GPC6: variants seen among roughly 807,000 people sequenced by gnomAD.
GPC6 encodes glypican 6, also known as glypican-6.
A neutral mutation model predicts 55.2 loss-of-function variants in GPC6; 14 were observed. The ratio of observed to expected loss-of-function variants is 0.25; its 90% CI spans 0.17 to 0.40. The LOEUF (loss-of-function observed/expected upper bound fraction) is 0.40, where lower values mean the gene tolerates loss of function less well. GPC6 is among the 10% of genes least tolerant of loss of function. The probability of loss-of-function intolerance (pLI) is 1.00; values close to 1 mark genes in which losing one functional copy is unlikely to be tolerated. For missense variants in GPC6, 641 were observed against 708.5 expected (o/e 0.90, Z 1.08); for synonymous variants, 278 against 259.6 (o/e 1.07, Z -0.68).
At chr13:93,741,556 G>T (rs1210688126) in intron 2 of GPC6, among the ~76,000 whole-genome samples, 2 of 152,178 alleles carry the variant, frequency 1.3e-5, no homozygotes, top group African/African-American at 4.8e-5. Context: ...TTACAAACCT[G>T]GGATTCAGTG....
At chr13:94,077,592 G>A (rs758724308) in intron 4 of GPC6, among the ~76,000 whole-genome samples, 1 of 151,744 alleles carries the variant, frequency 6.6e-6, no homozygotes, top group South Asian at 2.1e-4. Flanking sequence ...TCAGTATGAT[G>A]TTAGCTATAG....
At chr13:94,061,817 G>T (rs575813817) in intron 4 of GPC6, among the ~76,000 whole-genome samples, 27 of 151,708 alleles carry the variant, frequency 1.8e-4, no homozygotes, top group Non-Finnish European at 2.9e-4. Context: ...CAAAAATGTA[G>T]TTTCTGATGC....
At chr13:94,185,497 ATATAT>A (rs1317623343) in intron 4 of GPC6, among the ~76,000 whole-genome samples, 6 of 151,764 alleles carry the variant, frequency 4.0e-5, no homozygotes, top group African/African-American at 7.3e-5. Context: ...CTTGAAATTC[ATATAT>A]TATATATATG....
At chr13:93,839,600 A>G (rs966439012) in intron 3 of GPC6, among the ~76,000 whole-genome samples, 9 of 152,170 alleles carry the variant, frequency 5.9e-5, no homozygotes, top group African/African-American at 1.9e-4. Context: ...CAGCAGTCAC[A>G]TCGTCATCAC....
intron 4 of GPC6, among the ~76,000 whole-genome samples, chr13:94,044,369 A>G (rs953288575): frequency 2.6e-5 from 4 of 151,822 alleles, no homozygotes; most frequent in Admixed American, 6.6e-5. Flanking sequence ...AGTTATTTCT[A>G]TCCTACAGCT....
chr13:93,538,741 A>C (rs1202341051), intron 1 of GPC6, among the ~76,000 whole-genome samples: 1 of 152,208 alleles, frequency 6.6e-6, no homozygotes, highest in East Asian at 1.9e-4. Flanking sequence ...TCTCTGGGTG[A>C]TATTCACAAA....
At chr13:93,633,009 C>T (rs1470242149) in intron 2 of GPC6, among the ~76,000 whole-genome samples, 2 of 152,130 alleles carry the variant, frequency 1.3e-5, no homozygotes, top group Admixed American at 1.3e-4. Context: ...TGACAATTTT[C>T]AATGAGTTTG....
At chr13:93,732,779 GATTTTAA>G (rs1336963239) in intron 2 of GPC6, among the ~76,000 whole-genome samples, 1 of 151,932 alleles carries the variant, frequency 6.6e-6, no homozygotes, top group East Asian at 1.9e-4. Flanking sequence ...TCATGTGTGT[GATTTTAA>G]ATTTTCTTGC....
chr13:93,797,807 T>C (rs939561027), intron 2 of GPC6, among the ~76,000 whole-genome samples: 3 of 152,172 alleles, frequency 2.0e-5, no homozygotes, highest in Non-Finnish European at 2.9e-5. Context: ...CACAAGGCTG[T>C]GTTTTTTATC....
intron 3 of GPC6, among the ~76,000 whole-genome samples, chr13:93,832,562 T>C (rs1039873889): frequency 3.3e-5 from 5 of 152,128 alleles, no homozygotes; most frequent in Non-Finnish European, 5.9e-5. Context: ...ATCTGGCAAG[T>C]TTCCGGTGAG....
chr13:94,125,751 A>C (rs1458630366), intron 4 of GPC6, among the ~76,000 whole-genome samples: 1 of 151,910 alleles, frequency 6.6e-6, no homozygotes, highest in Non-Finnish European at 1.5e-5. Context: ...AAAATAGTTA[A>C]ATGAAGTCAG....
intron 2 of GPC6, among the ~76,000 whole-genome samples, chr13:93,593,237 C>A (rs1877569841): frequency 6.6e-6 from 1 of 151,960 alleles, no homozygotes; most frequent in Non-Finnish European, 1.5e-5. Flanking sequence ...ATATGTCCTG[C>A]ATTTTGTATT....
intron 4 of GPC6, among the ~76,000 whole-genome samples, chr13:94,252,782 A>G (rs890697845): frequency 1.3e-5 from 2 of 152,218 alleles, no homozygotes; most frequent in Admixed American, 6.5e-5. Context: ...CATAAATGAT[A>G]GGGCAAGTGT....
intron 3 of GPC6, among the ~76,000 whole-genome samples, chr13:93,935,099 A>G (rs1878366729): frequency 6.6e-6 from 1 of 152,128 alleles, no homozygotes; most frequent in Middle Eastern, 3.2e-3. Context: ...ACACTTGTGT[A>G]CATGTGTTGT....
At chr13:94,255,541 C>G (rs1891478721) in intron 4 of GPC6, among the ~76,000 whole-genome samples, 1 of 152,198 alleles carries the variant, frequency 6.6e-6, no homozygotes. Context: ...CAGCATCCCT[C>G]TCTCTTTTCC....
intron 3 of GPC6, among the ~76,000 whole-genome samples, chr13:93,844,337 C>T (rs982473893): frequency 1.3e-5 from 2 of 152,106 alleles, no homozygotes; most frequent in Non-Finnish European, 2.9e-5. Flanking sequence ...CGGGGTTTCA[C>T]CATGTTGGCC....
intron 1 of GPC6, among the ~76,000 whole-genome samples, chr13:93,417,871 T>C (rs2139254149): frequency 6.6e-6 from 1 of 152,152 alleles, no homozygotes; most frequent in Admixed American, 6.6e-5. Flanking sequence ...AAAATAAACC[T>C]TTCCTTCAGA....
At chr13:93,526,331 G>T (rs1179558747) in intron 1 of GPC6, among the ~76,000 whole-genome samples, 1 of 152,042 alleles carries the variant, frequency 6.6e-6, no homozygotes, top group Non-Finnish European at 1.5e-5. Context: ...ATCAGTGTAA[G>T]TTTCTTTGAG....
chr13:93,657,761 AC>A (rs1290958512), intron 2 of GPC6, among the ~76,000 whole-genome samples: 2 of 152,024 alleles, frequency 1.3e-5, no homozygotes, highest in African/African-American at 2.4e-5. Flanking sequence ...ACAACAAAAA[AC>A]CAAACAACCC....
Sources: gnomAD v4.1 joint callset for allele counts (sites outside exome capture counted in the v4.1 genomes callset) on GRCh38, gnomAD v4.1.1 for gene constraint, MANE v1.5 for transcripts, NCBI Gene and HGNC (gene_info 2026-07-23, HGNC 2026-07-21) for gene names.